The following DST variants were observed in gnomAD, a reference collection of about 807,000 sequenced individuals.
DST encodes the protein bullous pemphigoid antigen.
DST carries 253 observed loss-of-function variants against 875.2 expected under a neutral mutation model. That is an observed-to-expected ratio of 0.29 (90% confidence interval 0.26 to 0.32). The LOEUF is 0.32. Among genes scored for constraint, DST ranks in the 10% least tolerant of loss-of-function variants. The pLI is 1.00. For missense variants in DST, 8,287 were observed against 9,111.6 expected (o/e 0.91, Z 3.68); for synonymous variants, 3,124 against 3,197.1 (o/e 0.98, Z 0.77).
chr6:56,728,973 TACAC>T (rs35066414), intron 5 of DST, among the ~76,000 whole-genome samples: 1,903 of 132,042 alleles, frequency 0.014, 28 homozygotes, highest in African/African-American at 0.029. Context: ...ATAAAAAAAG[TACAC>T]ACACACACAC....
chr6:56,516,387 T>A (rs1196071888), intron 71 of DST, among the ~76,000 whole-genome samples: 1 of 152,126 alleles, frequency 6.6e-6, no homozygotes, highest in Non-Finnish European at 1.5e-5. Flanking sequence ...ACAATCTGTA[T>A]TTTTCACATC....
chr6:56,560,414 C>T lies in DST; in HGVS notation c.14320G>A (p.Ala4774Thr). 6.3e-7 allele frequency: 1 copy of T among 1,596,112 alleles called. No homozygotes were observed. The highest frequency in any genetic ancestry group is 8.5e-7 in the Non-Finnish European group (1 of 1,169,774). Reference protein sequence around the residue: ...TQVEQNKSFEAELKQNVNKVQ... With the variant: ...TQVEQNKSFETELKQNVNKVQ... ...TTGTTTACATTCTGCTTCAGTTCTGCCTCAAACGACTAACAAGGGAAAAAT... is the reference window on the plus strand; with the variant it reads ...TTGTTTACATTCTGCTTCAGTTCTGTCTCAAACGACTAACAAGGGAAAAAT... Residue 4774 changes from alanine to threonine, a missense_variant, in exon 58 of 104, where the codon GCA (alanine) becomes ACA (threonine). Transcript: ENST00000680361.
chr6:56,750,524 TC>T (rs764211764), intron 4 of DST, among the ~76,000 whole-genome samples: 23 of 152,134 alleles, frequency 1.5e-4, no homozygotes, highest in Admixed American at 2.6e-4. Flanking sequence ...ACTTTCAAAT[TC>T]CACAGTCCCT....
intron 36 of DST, chr6:56,618,923 A>G: frequency 1.2e-6 from 2 of 1,614,110 alleles, no homozygotes; most frequent in Non-Finnish European, 1.7e-6. Flanking sequence ...AGCTTGTTGT[A>G]GCTGAACTTT....
chr6:56,708,339 T>C (rs747522243), intron 5 of DST, among the ~76,000 whole-genome samples: 1 of 152,210 alleles, frequency 6.6e-6, no homozygotes, highest in East Asian at 1.9e-4. Flanking sequence ...AGAAAATGTA[T>C]AAAATAAAAG....
intron 4 of DST, among the ~76,000 whole-genome samples, chr6:56,765,496 A>G (rs1397233224): frequency 6.6e-6 from 1 of 152,242 alleles, no homozygotes; most frequent in African/African-American, 2.4e-5. Flanking sequence ...ATAATGCACG[A>G]AACATATGCA....
At chr6:56,782,953 C>G (rs891824605) in intron 4 of DST, among the ~76,000 whole-genome samples, 18 of 152,156 alleles carry the variant, frequency 1.2e-4, no homozygotes, top group Admixed American at 6.5e-5. Context: ...CAAAGAACAT[C>G]TTTATTACTG....
At position 56,506,426 on chromosome 6, in the gene DST, C is replaced by A; in HGVS notation, c.19464+17G>T. The A allele has an allele frequency of 6.3e-7, 1 of 1,596,266 alleles. No homozygotes were observed. The highest frequency in any genetic ancestry group is 8.6e-7 in the Non-Finnish European group (1 of 1,167,702). On this transcript the variant is annotated intron_variant, in intron 77 of 103. Transcript: ENST00000680361. ...TCCTTCCAGCTAAGACCAGCACATA[C>A]ACTGTAATCCCCTTACCTGCAGTCC...
At chr6:56,627,339 A>G in intron 33 of DST, 52 bp from the exon 34 acceptor site, 1 of 1,249,960 alleles carries the variant, frequency 8.0e-7, no homozygotes, top group East Asian at 2.3e-5. Context: ...CAGCTATTCT[A>G]CTACATAAGA....
At chr6:56,888,805 CAG>C (rs1478426012) in intron 3 of DST, among the ~76,000 whole-genome samples, 1 of 152,006 alleles carries the variant, frequency 6.6e-6, no homozygotes, top group Non-Finnish European at 1.5e-5. Context: ...ATCAGAAAAA[CAG>C]AAAATTTCCC....
chr6:56,559,602 T>G lies in DST; in HGVS notation c.14440+692A>C, dbSNP rs546587637. 7.2e-5 allele frequency among the ~76,000 whole-genome samples: 11 copies of G among 152,278 alleles called. No homozygotes were observed. The South Asian group carries it at 2.3e-3, about 32-fold the overall frequency. On this transcript the variant is annotated intron_variant, in intron 58 of 103. Transcript: ENST00000680361. ...TTGTTTGAGCCATATACACATTAAC[T>G]TATTGGGTTCTCCAAATGAAACTAT...
chr6:56,627,344 A>C (rs1319745825), intron 33 of DST, 57 bp from the exon 34 acceptor site: 1 of 1,209,024 alleles, frequency 8.3e-7, no homozygotes, highest in Non-Finnish European at 1.2e-6. Context: ...ATTCTACTAC[A>C]TAAGATGCTC....
intron 61 of DST, among the ~76,000 whole-genome samples, chr6:56,550,729 T>G (rs2097307680): frequency 6.6e-6 from 1 of 152,216 alleles, no homozygotes; most frequent in Non-Finnish European, 1.5e-5. Context: ...GTTTCACAAT[T>G]TAACCATTTA....
intron 4 of DST, among the ~76,000 whole-genome samples, chr6:56,826,913 C>T (rs749400227): frequency 3.9e-5 from 6 of 152,120 alleles, no homozygotes; most frequent in South Asian, 4.1e-4. Flanking sequence ...AAGCAGTGCA[C>T]GAGAGCACTG....
rs767994407 is a variant in DST, at chr6:56,508,591, G to T, written c.19177C>A (p.Arg6393=). ...TCAATTCCAGGATCTTCCAGGTCCC[G>T]GATGAAATCTTGAGTATCTTTAATG... ...VTIKDTQDFI[R]DLEDPGIDPS... Residue 6393 remains arginine (R), a synonymous_variant, in exon 75 of 104, where the codon CGG becomes AGG. Coordinates refer to ENST00000680361, the MANE Select transcript of DST (RefSeq NM_001374736.1). 5 of 1,613,784 alleles carry T rather than the reference G, an allele frequency of 3.1e-6. No individual in the cohort carries two copies. In the Admixed American group the frequency reaches 8.3e-5, roughly 27 times the overall value.
chr6:56,776,206 T>A (rs1215807580), intron 4 of DST, among the ~76,000 whole-genome samples: 1 of 152,112 alleles, frequency 6.6e-6, no homozygotes, highest in Admixed American at 6.5e-5. Flanking sequence ...AAACCCAAAT[T>A]GAAGGACATT....
At chr6:56,874,154 T>C (rs1419077753) in intron 3 of DST, among the ~76,000 whole-genome samples, 1 of 152,100 alleles carries the variant, frequency 6.6e-6, no homozygotes, top group Non-Finnish European at 1.5e-5. Flanking sequence ...ACCCCATAAA[T>C]ATGTACAACT....
At chr6:56,622,341 C>T (rs1053975907) in intron 36 of DST, among the ~76,000 whole-genome samples, 10 of 151,994 alleles carry the variant, frequency 6.6e-5, no homozygotes, top group Non-Finnish European at 1.3e-4. Flanking sequence ...GAACCCAAGG[C>T]GGGTGGATCA....
rs187613290 is a variant in DST, at chr6:56,851,360, C to G, written c.625+37G>C. On this transcript the variant is annotated intron_variant, in intron 4 of 103. Coordinates refer to ENST00000680361, the MANE Select transcript of DST (RefSeq NM_001374736.1). Reference sequence around the variant, plus strand: ...TAGATGGGCGAATTTCCGCAACTCTCTTCCCCCACTCCATCCCCTTCCCCA... The same window carrying G: ...TAGATGGGCGAATTTCCGCAACTCTGTTCCCCCACTCCATCCCCTTCCCCA... The G allele has an allele frequency of 1.5e-4, 245 of 1,587,658 alleles. 2 individuals carry two copies. The Admixed American group carries it at 3.7e-3, about 24-fold the overall frequency.
Sources: allele counts gnomAD v4.1 joint callset (sites outside exome capture counted in the v4.1 genomes callset), GRCh38; gene constraint gnomAD v4.1.1; transcripts MANE v1.5; gene names NCBI Gene and HGNC (gene_info 2026-07-23, HGNC 2026-07-21).